The following ABCB9 variants were observed in gnomAD, a reference collection of about 807,000 sequenced individuals.
ABCB9 encodes ATP binding cassette subfamily B member 9, also known as ABC-type oligopeptide transporter ABCB9.
ABCB9 carries 36 observed loss-of-function variants against 62.0 expected under a neutral mutation model. That is an observed-to-expected ratio of 0.58 (90% confidence interval 0.45 to 0.77). The LOEUF is 0.77. ABCB9 is among the 30% of genes least tolerant of loss of function. ABCB9 has a pLI of 0.00. For synonymous variants in ABCB9, 435 were observed against 461.4 expected (o/e 0.94, Z 0.73); for missense variants, 943 against 1,054.7 (o/e 0.89, Z 1.47).
At chr12:122,937,907 T>C (rs1037810912) in intron 9 of ABCB9, among the ~76,000 whole-genome samples, 6 of 152,246 alleles carry the variant, frequency 3.9e-5, no homozygotes, top group African/African-American at 1.4e-4. Context: ...ACAGGTGTTA[T>C]GGTTCCTTTC....
At position 122,964,326 on chromosome 12, in the gene ABCB9, T is replaced by C. The variant is rs1023229208; in HGVS notation, c.-88+1961A>G. Among the ~76,000 whole-genome samples the C allele has an allele frequency of 6.6e-6, 1 of 152,180 alleles. No individual in the cohort carries two copies. Among genetic ancestry groups the C allele is most frequent in the African/African-American group, 2.4e-5 (1 of 41,428 alleles). On this transcript the variant is annotated intron_variant, in intron 1 of 11. Coordinates refer to ENST00000280560, the MANE Select transcript of ABCB9 (RefSeq NM_019625.4). This position sits in a 1 kb window ranked among gnomAD's most constrained non-coding sequence, Gnocchi z 4.7. ...CCCCGCCTCCAGAAGCCTATTTATCTTCATCAGAATAAACAAAATTTCAAA... is the reference window on the plus strand; with the variant it reads ...CCCCGCCTCCAGAAGCCTATTTATCCTCATCAGAATAAACAAAATTTCAAA...
At chr12:122,922,045 C>G (rs2034760775) in intron 11 of ABCB9, among the ~76,000 whole-genome samples, 1 of 151,988 alleles carries the variant, frequency 6.6e-6, no homozygotes, top group African/African-American at 2.4e-5. Flanking sequence ...GCCCGGCCGG[C>G]CGCTCAGGTC....
chr12:122,920,317 C>G (rs1345055765), downstream of ABCB9, among the ~76,000 whole-genome samples: 1 of 151,260 alleles, frequency 6.6e-6, no homozygotes, highest in Non-Finnish European at 1.5e-5. Flanking sequence ...TCACTATCCC[C>G]AGCTCCTGAG....
chr12:122,948,549 C>T, intron 5 of ABCB9, 75 bp downstream of exon 5: 1 of 1,396,776 alleles, frequency 7.2e-7, no homozygotes, highest in Admixed American at 2.7e-5. Context: ...CTTAGTGGCC[C>T]CCTGAGCCCC....
In ABCB9 at chr12:122,959,458, A is replaced by G. The variant is rs574874238; in HGVS notation, c.601+177T>C. On this transcript the variant is annotated intron_variant, in intron 2 of 11. Coordinates refer to ENST00000280560, the MANE Select transcript of ABCB9 (RefSeq NM_019625.4). The surrounding 1 kb of genome is among the most constrained non-coding windows in gnomAD (Gnocchi z 5.4). The stretch of plus-strand genomic sequence containing the variant: ...ACTCCTGGGCTCAAGTGATCTTCCT[A>G]CCTCAGCCTCCCAAAGTGCTGGGAT... Among the ~76,000 whole-genome samples, 2 of 152,234 alleles carry G rather than the reference A, an allele frequency of 1.3e-5. No homozygotes were observed. The highest frequency in any genetic ancestry group is 4.8e-5 in the African/African-American group (2 of 41,562).
intron 2 of ABCB9, among the ~76,000 whole-genome samples, chr12:122,955,610 G>C (rs900746803): frequency 2.0e-5 from 3 of 152,202 alleles, no homozygotes; most frequent in East Asian, 3.8e-4. Flanking sequence ...TTGAACTCCT[G>C]GCCTCAAGTG....
At position 122,929,033 on chromosome 12, in the gene ABCB9, C is replaced by G; in HGVS notation, c.*878G>C. 1 of 985,918 alleles carries G rather than the reference C, an allele frequency of 1.0e-6. No individual in the cohort carries two copies. The highest frequency in any genetic ancestry group is 1.2e-6 in the Non-Finnish European group (1 of 829,970). 61.1% of individuals were successfully genotyped at this position (985,918 alleles called of 1,614,324 possible). A position where few individuals can be genotyped will look rare whatever the true frequency, so the allele number is the denominator to read the frequency against. On this transcript the variant is annotated 3_prime_UTR_variant, in exon 12 of 12. Coordinates refer to ENST00000280560, the MANE Select transcript of ABCB9 (RefSeq NM_019625.4). The surrounding 1 kb of genome is among the most constrained non-coding windows in gnomAD (Gnocchi z 6.0). ...GTACACTTTATTGACCGGGTTCTCT[C>G]AACATGTTGCAACCTCTGGCAAAGC...
At chr12:122,926,373 T>G (rs2135739006), downstream of ABCB9, among the ~76,000 whole-genome samples, 1 of 151,686 alleles carries the variant, frequency 6.6e-6, no homozygotes, top group East Asian at 1.9e-4. Context: ...GGTGAAACAC[T>G]GTCTCTACTA....
rs2036388686 is a variant in ABCB9 at position 122,951,944 on chromosome 12, T to C, written c.602-1379A>G. On this transcript the variant is annotated intron_variant, in intron 2 of 11. Transcript: ENST00000280560. ...TTACATATTGAAACATAATCGCCAA[T>C]GTGATAGGGCAGAGCTCTCCAGGAT... is the stretch of plus-strand genomic sequence containing the variant. 1.3e-5 allele frequency: 2 copies of C among 152,202 alleles called. 1 individual carries two copies. The highest frequency in any genetic ancestry group is 4.1e-4 in the South Asian group (2 of 4,830). The allele number at this position is 152,202 out of a possible 1,614,324, so 9.4% of individuals were successfully genotyped here.
In ABCB9 at chr12:122,946,055, A is replaced by G. The variant is rs1294539332; in HGVS notation, c.1221T>C (p.Ala407=). Residue 407 remains alanine, a synonymous_variant, in exon 6 of 12, where the codon GCT becomes GCC. Transcript: ENST00000280560. ...TGCCCCAGACGTAGTACATGTAGGC[A>G]GCTGCCTCCTTCCTGTTCAGCTTGT... The part of the protein sequence containing the change: ...QVYKLNRKEA[A]AYMYYVWGSG... 2.5e-6 allele frequency: 4 copies of G among 1,613,724 alleles called. No homozygotes were observed. The highest frequency in any genetic ancestry group is 3.4e-6 in the Non-Finnish European group (4 of 1,180,014).
chr12:122,973,806 A>T (rs1401080334), intron 1 of ABCB9, among the ~76,000 whole-genome samples: 1 of 152,134 alleles, frequency 6.6e-6, no homozygotes, highest in Non-Finnish European at 1.5e-5. Context: ...GCTTACAGTG[A>T]GCCGAGATCG....
At position 122,946,044 on chromosome 12, in the gene ABCB9, T is replaced by C; in HGVS notation, c.1232A>G (p.Tyr411Cys). The change falls in exon 6 of 12, where the codon TAC (tyrosine) becomes TGC (cysteine). Residue 411 changes from tyrosine to cysteine, a missense_variant. Physicochemically the swap from Tyr to Cys is radical, Grantham distance 194. Coordinates refer to ENST00000280560, the MANE Select transcript of ABCB9 (RefSeq NM_019625.4). ...ACGTACCCCGCTGCCCCAGACGTAGTACATGTAGGCAGCTGCCTCCTTCCT... is the reference window on the plus strand; with the variant it reads ...ACGTACCCCGCTGCCCCAGACGTAGCACATGTAGGCAGCTGCCTCCTTCCT... ...LNRKEAAAYM[Y>C]YVWGSGLTLL... is the part of the protein sequence containing the mutation. The C allele has an allele frequency of 6.2e-7, 1 of 1,613,786 alleles. No homozygotes were observed. The highest frequency in any genetic ancestry group is 8.5e-7 in the Non-Finnish European group (1 of 1,180,018).
chr12:122,925,715 T>A (rs763891704), downstream of ABCB9, among the ~76,000 whole-genome samples: 2 of 152,070 alleles, frequency 1.3e-5, no homozygotes, highest in Non-Finnish European at 2.9e-5. Flanking sequence ...ATCACCGCAC[T>A]CCAACCTGGG....
chr12:122,957,281 T>C (rs2036649849), intron 2 of ABCB9, among the ~76,000 whole-genome samples: 1 of 152,168 alleles, frequency 6.6e-6, no homozygotes, highest in African/African-American at 2.4e-5. Flanking sequence ...TGGGCTCAAG[T>C]GATCCTGTAG....
chr12:122,960,347 G>A, intron 1 of ABCB9, 25 bp from the exon 2 acceptor site: 1 of 1,416,654 alleles, frequency 7.1e-7, no homozygotes, highest in Non-Finnish European at 9.4e-7. Flanking sequence ...GCAAACATCA[G>A]CACAAGGGGT....
At position 122,946,052 on chromosome 12, in the gene ABCB9, G is replaced by T. The variant is rs757268088; in HGVS notation, c.1224C>A (p.Ala408=). Residue 408 remains alanine (A), a synonymous_variant, in exon 6 of 12, where the codon GCC becomes GCA. Coordinates refer to ENST00000280560, the MANE Select transcript of ABCB9 (RefSeq NM_019625.4). ...VYKLNRKEAA[A]YMYYVWGSGL... is the part of the protein sequence containing the mutation. ...CGCTGCCCCAGACGTAGTACATGTA[G>T]GCAGCTGCCTCCTTCCTGTTCAGCT... 6.2e-6 allele frequency: 10 copies of T among 1,613,840 alleles called. No homozygotes were observed. In the East Asian group the frequency reaches 2.2e-4, roughly 36 times the overall value.
chr12:122,948,408 G>A (rs975441876), intron 5 of ABCB9: 7 of 475,950 alleles, frequency 1.5e-5, no homozygotes, highest in Non-Finnish European at 2.6e-5. Flanking sequence ...AGGAAGGCAG[G>A]GGCCTTGTCT....
intron 1 of ABCB9, among the ~76,000 whole-genome samples, chr12:122,963,275 G>A (rs2037007972): frequency 6.6e-6 from 1 of 152,186 alleles, no homozygotes; most frequent in Non-Finnish European, 1.5e-5. Context: ...TCCAGCCTGG[G>A]TGACAGAGTG....
upstream of ABCB9, among the ~76,000 whole-genome samples, chr12:122,967,573 C>T (rs1322072095): frequency 6.6e-6 from 1 of 152,246 alleles, no homozygotes; most frequent in Non-Finnish European, 1.5e-5. Flanking sequence ...ACTGCAGCCT[C>T]TGCTTCCCAG....
Sources: allele counts gnomAD v4.1 joint callset (sites outside exome capture counted in the v4.1 genomes callset), GRCh38; gene constraint gnomAD v4.1.1; non-coding constraint Gnocchi (gnomAD v3.1); transcripts MANE v1.5; gene names NCBI Gene and HGNC (gene_info 2026-07-23, HGNC 2026-07-21).